Variants in PTPRD observed in about 807,000 individuals in gnomAD.
PTPRD encodes the protein protein tyrosine phosphatase receptor type D.
In PTPRD, 34 loss-of-function variants were observed where a neutral mutation model predicts 214.5. The ratio of observed to expected loss-of-function variants is 0.16; its 90% CI spans 0.12 to 0.21. The LOEUF is 0.21. PTPRD is among the 10% of genes least tolerant of loss of function. The pLI is 1.00. For missense variants in PTPRD, 2,545 were observed against 2,398.7 expected, an observed-to-expected ratio of 1.06 and a Z score of -1.27; for synonymous variants, 1,128 against 845.7, an observed-to-expected ratio of 1.33 and a Z score of -5.79.
intron 3 of PTPRD, among the ~76,000 whole-genome samples, chr9:10,177,469 GAC>G (rs2099255901): frequency 6.7e-6 from 1 of 150,336 alleles, no homozygotes; most frequent in Non-Finnish European, 1.5e-5. Flanking sequence ...AAAAAAGACT[GAC>G]ACTATGAAAG....
intron 5 of PTPRD, among the ~76,000 whole-genome samples, chr9:9,843,901 C>A (rs1366978857): frequency 6.6e-6 from 1 of 151,974 alleles, no homozygotes; most frequent in Non-Finnish European, 1.5e-5. Flanking sequence ...TAGACCATGA[C>A]AACATGGCTC....
intron 11 of PTPRD, among the ~76,000 whole-genome samples, chr9:8,746,983 G>A (rs562626408): frequency 6.6e-6 from 1 of 152,156 alleles, no homozygotes; most frequent in Non-Finnish European, 1.5e-5. Flanking sequence ...GCAAAGATGT[G>A]CAAGGATGGG....
intron 37 of PTPRD, among the ~76,000 whole-genome samples, chr9:8,384,409 A>G (rs1258015466): frequency 1.3e-5 from 2 of 152,196 alleles, no homozygotes; most frequent in Non-Finnish European, 2.9e-5. Flanking sequence ...AAACTAGGGA[A>G]AAAAAACCAC....
intron 4 of PTPRD, among the ~76,000 whole-genome samples, chr9:9,965,141 A>G (rs1466720024): frequency 1.3e-5 from 2 of 152,190 alleles, no homozygotes; most frequent in Admixed American, 6.5e-5. Flanking sequence ...CATAACGTGG[A>G]TAGATTCAAA....
At chr9:9,249,765 T>C (rs189598502) in intron 9 of PTPRD, among the ~76,000 whole-genome samples, 20 of 152,214 alleles carry the variant, frequency 1.3e-4, no homozygotes, top group Admixed American at 1.2e-3. Flanking sequence ...CAGCACTTTG[T>C]TGGCTATTTT....
intron 9 of PTPRD, among the ~76,000 whole-genome samples, chr9:9,187,267 A>T (rs910930518): frequency 6.6e-6 from 1 of 152,042 alleles, no homozygotes; most frequent in Non-Finnish European, 1.5e-5. Flanking sequence ...AAGAGATTTC[A>T]TTAGGAAGCT....
At chr9:8,416,808 T>C (rs1481679716) in intron 35 of PTPRD, among the ~76,000 whole-genome samples, 1 of 152,088 alleles carries the variant, frequency 6.6e-6, no homozygotes, top group African/African-American at 2.4e-5. Context: ...CATGTAATTC[T>C]TAAAACAAAT....
At chr9:10,426,638 G>A (rs540552235) in intron 2 of PTPRD, among the ~76,000 whole-genome samples, 1 of 152,154 alleles carries the variant, frequency 6.6e-6, no homozygotes, top group South Asian at 2.1e-4. Context: ...CCCTCTGACT[G>A]CAGAAACAAC....
intron 7 of PTPRD, among the ~76,000 whole-genome samples, chr9:9,634,016 T>A (rs1444107704): frequency 1.3e-5 from 2 of 152,186 alleles, no homozygotes; most frequent in African/African-American, 2.4e-5. Context: ...TAAATCTTTA[T>A]GATATAGACA....
At chr9:10,532,144 T>A (rs2056535595) in intron 2 of PTPRD, 1 of 152,140 alleles carries the variant, frequency 6.6e-6, no homozygotes, top group Non-Finnish European at 1.5e-5. Context: ...TTAGATTACT[T>A]CAGTGCCACA....
chr9:8,754,661 A>G (rs2093825394), intron 11 of PTPRD, among the ~76,000 whole-genome samples: 1 of 152,240 alleles, frequency 6.6e-6, no homozygotes, highest in Admixed American at 6.5e-5. Flanking sequence ...GCACAAAAGA[A>G]TATCTTTGTA....
At chr9:10,042,002 C>G (rs991974948) in intron 3 of PTPRD, among the ~76,000 whole-genome samples, 1 of 152,000 alleles carries the variant, frequency 6.6e-6, no homozygotes, top group African/African-American at 2.4e-5. Flanking sequence ...ACTACACAAT[C>G]GTCCTCAGAA....
intron 3 of PTPRD, among the ~76,000 whole-genome samples, chr9:10,161,768 G>C (rs976884568): frequency 8.6e-5 from 13 of 151,560 alleles, no homozygotes; most frequent in African/African-American, 2.9e-4. Flanking sequence ...AACTTAAATG[G>C]GAGAAAATGT....
At chr9:9,665,394 TG>T (rs2096702821) in intron 7 of PTPRD, among the ~76,000 whole-genome samples, 1 of 151,844 alleles carries the variant, frequency 6.6e-6, no homozygotes, top group Non-Finnish European at 1.5e-5. Flanking sequence ...ACAAAATAGA[TG>T]TTTTTTATTT....
At chr9:8,832,959 C>T (rs927973129) in intron 11 of PTPRD, among the ~76,000 whole-genome samples, 1 of 152,050 alleles carries the variant, frequency 6.6e-6, no homozygotes, top group African/African-American at 2.4e-5. Context: ...CTCTTCATTA[C>T]CTAGAAAGCT....
At chr9:9,596,669 A>G (rs1363084475) in intron 7 of PTPRD, among the ~76,000 whole-genome samples, 5 of 152,038 alleles carry the variant, frequency 3.3e-5, no homozygotes, top group African/African-American at 1.2e-4. Flanking sequence ...GTTCAGTATT[A>G]AAGACTTGAT....
At chr9:9,048,469 G>A (rs994243756) in intron 10 of PTPRD, among the ~76,000 whole-genome samples, 3 of 152,122 alleles carry the variant, frequency 2.0e-5, no homozygotes, top group African/African-American at 7.2e-5. Flanking sequence ...GTACTATTCA[G>A]CCATAAAAAC....
chr9:9,735,909 G>A (rs1055154588), intron 6 of PTPRD, among the ~76,000 whole-genome samples: 1 of 152,058 alleles, frequency 6.6e-6, no homozygotes, highest in Non-Finnish European at 1.5e-5. Flanking sequence ...AATGTATACA[G>A]CTCAATAAAT....
intron 27 of PTPRD, among the ~76,000 whole-genome samples, chr9:8,490,703 A>G (rs929620465): frequency 1.3e-5 from 2 of 152,188 alleles, no homozygotes; most frequent in Non-Finnish European, 2.9e-5. Flanking sequence ...ATAAGAGCCA[A>G]CATTTTCTTC....
Sources: gnomAD v4.1 joint callset for allele counts (sites outside exome capture counted in the v4.1 genomes callset) on GRCh38, gnomAD v4.1.1 for gene constraint, MANE v1.5 for transcripts, NCBI Gene and HGNC (gene_info 2026-07-23, HGNC 2026-07-21) for gene names.